Variants in LRP5 observed in about 807,000 individuals in gnomAD.
LRP5 encodes low-density lipoprotein receptor-related protein 5.
A neutral mutation model predicts 154.1 loss-of-function variants in LRP5; 62 were observed. The observed-to-expected ratio is 0.40, with a 90% CI of 0.33 to 0.50. LRP5 has a LOEUF of 0.50. Ranked by LOEUF, LRP5 falls within the 20% of genes least tolerant of loss-of-function variation. LRP5 has a pLI of 0.55. For missense variants in LRP5, 1,915 were observed against 2,336.7 expected (o/e 0.82, Z 3.72); for synonymous variants, 966 against 1,011.5 (o/e 0.96, Z 0.85).
rs139756869 is a variant in LRP5, at chr11:68,419,373, C to T, written c.3027+2846C>T. On this transcript the variant is annotated intron_variant, in intron 13 of 22. Transcript: ENST00000294304. ...TCAGCCTCTCTAGTAGCCGGGACTA[C>T]AGGCATACACTACCACATCTGGCTG... 7.0e-3 allele frequency among the ~76,000 whole-genome samples: 1,048 copies of T among 150,590 alleles called. 7 individuals are homozygous for T. The highest frequency in any genetic ancestry group is 0.028 in the Middle Eastern group (8 of 290).
At chr11:68,393,653 C>T (rs942760533) in intron 7 of LRP5, among the ~76,000 whole-genome samples, 7 of 151,960 alleles carry the variant, frequency 4.6e-5, no homozygotes, top group Non-Finnish European at 7.4e-5. Context: ...TGGCAGCGGG[C>T]GCCTGTAATC....
At chr11:68,363,467 G>A (rs1267998041) in intron 3 of LRP5, among the ~76,000 whole-genome samples, 1 of 152,124 alleles carries the variant, frequency 6.6e-6, no homozygotes, top group Non-Finnish European at 1.5e-5. Flanking sequence ...GACCAGCCTT[G>A]CCAACATGAT....
At chr11:68,323,862 C>T (rs1433692791) in intron 1 of LRP5, among the ~76,000 whole-genome samples, 2 of 152,240 alleles carry the variant, frequency 1.3e-5, no homozygotes, top group Non-Finnish European at 2.9e-5. Context: ...CTGGTCGCTG[C>T]TCAGGGGGCC....
rs999634205 is a variant in LRP5 at position 68,413,810 on chromosome 11, C to T, written c.2625C>T (p.Ser875=). 17 of 1,613,498 alleles carry T rather than the reference C, an allele frequency of 1.1e-5. No homozygotes were observed. The highest frequency in any genetic ancestry group is 5.0e-5 in the Admixed American group (3 of 60,006). The change falls in exon 12 of 23, where the codon AGC becomes AGT. Residue 875 remains serine (S), a synonymous_variant. Coordinates refer to ENST00000294304, the MANE Select transcript of LRP5 (RefSeq NM_002335.4). The surrounding 1 kb of genome is among the most constrained non-coding windows in gnomAD (Gnocchi z 5.1). ...LHSIERADKT[S]GRNRTLIQGH... is the part of the protein sequence containing the mutation. Reference sequence around the variant, plus strand: ...GCATTGAGCGGGCCGACAAGACTAGCGGCCGGAACCGCACCCTCATCCAGG... The same window carrying T: ...GCATTGAGCGGGCCGACAAGACTAGTGGCCGGAACCGCACCCTCATCCAGG...
chr11:68,376,892 G>A (rs1241557374), intron 5 of LRP5, among the ~76,000 whole-genome samples: 1 of 152,186 alleles, frequency 6.6e-6, no homozygotes, highest in South Asian at 2.1e-4. Context: ...AAGATGAGAG[G>A]GCTGCCCAGG....
At chr11:68,395,771 C>T (rs541253798) in intron 7 of LRP5, among the ~76,000 whole-genome samples, 3 of 152,282 alleles carry the variant, frequency 2.0e-5, no homozygotes, top group South Asian at 4.2e-4. Flanking sequence ...GCACCTCCTG[C>T]CCCGGGACAC....
intron 1 of LRP5, among the ~76,000 whole-genome samples, chr11:68,340,121 T>A (rs1033492659): frequency 9.9e-5 from 15 of 152,094 alleles, no homozygotes; most frequent in African/African-American, 3.6e-4. Context: ...GTGCCTGTAA[T>A]CCCAGCTACT....
chr11:68,373,937 G>A (rs1418347285), intron 5 of LRP5, among the ~76,000 whole-genome samples: 12 of 152,112 alleles, frequency 7.9e-5, no homozygotes, highest in East Asian at 1.9e-4. Flanking sequence ...CATGCCACTC[G>A]GGCCACACGT....
At chr11:68,344,349 C>T (rs1206740356) in intron 1 of LRP5, among the ~76,000 whole-genome samples, 1 of 152,062 alleles carries the variant, frequency 6.6e-6, no homozygotes, top group East Asian at 1.9e-4. Flanking sequence ...GATGGAGTCT[C>T]GCTCTGTCAC....
At chr11:68,384,180 C>CAGG (rs2153151516) in intron 5 of LRP5, among the ~76,000 whole-genome samples, 1 of 152,316 alleles carries the variant, frequency 6.6e-6, no homozygotes, top group South Asian at 2.1e-4. Context: ...GGAGGGGCTC[C>CAGG]TGTCTTTCCT....
At position 68,390,060 on chromosome 11, in the gene LRP5, T is replaced by A. The variant is rs1288008322; in HGVS notation, c.1584+8T>A. On this transcript the variant is annotated splice_region_variant and intron_variant, in intron 7 of 22. Transcript: ENST00000294304. Reference sequence around the variant, plus strand: ...AAGACAGACAAGATCGAGGTGAGGCTCCTGTGGACATGTTTGATCCAGGAG... The same window carrying A: ...AAGACAGACAAGATCGAGGTGAGGCACCTGTGGACATGTTTGATCCAGGAG... 1 of 1,614,144 alleles carries A rather than the reference T, an allele frequency of 6.2e-7. No individual in the cohort carries two copies. The highest frequency in any genetic ancestry group is 8.5e-7 in the Non-Finnish European group (1 of 1,180,000).
intron 5 of LRP5, among the ~76,000 whole-genome samples, chr11:68,379,448 G>T (rs528901616): frequency 1.3e-5 from 2 of 152,112 alleles, no homozygotes; most frequent in South Asian, 4.1e-4. Flanking sequence ...GGAAGCCTGC[G>T]GTGCTTTACG....
chr11:68,373,496 C>T (rs2098635556), intron 5 of LRP5, among the ~76,000 whole-genome samples: 1 of 152,196 alleles, frequency 6.6e-6, no homozygotes, highest in Admixed American at 6.5e-5. Flanking sequence ...TCCCCCGCCC[C>T]TCCTGAAGTG....
At chr11:68,300,655 TC>T in the LRP5 span, among the ~76,000 whole-genome samples, 1 of 149,198 alleles carries the variant, frequency 6.7e-6, no homozygotes, top group Non-Finnish European at 1.5e-5. Flanking sequence ...TACGGATGCC[TC>T]CCTCAGACCC....
At chr11:68,405,685 C>G (rs72934422) in intron 8 of LRP5, among the ~76,000 whole-genome samples, 6,088 of 152,218 alleles carry the variant, frequency 0.04, 176 homozygotes, top group Non-Finnish European at 0.065. Flanking sequence ...CTTTTTTTGG[C>G]TGAAATATTT....
chr11:68,392,885 G>A (rs2098647138), intron 7 of LRP5, among the ~76,000 whole-genome samples: 1 of 152,086 alleles, frequency 6.6e-6, no homozygotes, highest in Admixed American at 6.5e-5. Flanking sequence ...CTAACATTCT[G>A]GGAGGCCAAG....
chr11:68,420,713 A>T (rs1239790684), intron 13 of LRP5, among the ~76,000 whole-genome samples: 1 of 151,970 alleles, frequency 6.6e-6, no homozygotes, highest in Non-Finnish European at 1.5e-5. Context: ...CTCAAAAAAA[A>T]AAAAAATCAT....
At position 68,363,953 on chromosome 11, in the gene LRP5, G is replaced by A. The variant is rs763345367; in HGVS notation, c.883+10G>A. ...GAGCGGCAGCCTTTCTGTGAGTGCC[G>A]GCTGGGGCGCGGGGGCGAGGGTGCG... On this transcript the variant is annotated intron_variant, in intron 4 of 22. Transcript: ENST00000294304. 9 of 1,603,490 alleles carry A rather than the reference G, an allele frequency of 5.6e-6. No homozygotes were observed. Among genetic ancestry groups the A allele is most frequent in the Middle Eastern group, 1.8e-4 (1 of 5,558 alleles).
rs2098675479 is a variant in LRP5 at position 68,437,140 on chromosome 11, AG to A, written c.4111+143del. The A allele has an allele frequency of 5.7e-6, 4 of 698,882 alleles. No individual in the cohort carries two copies. The South Asian group carries it at 6.5e-5, about 11-fold the overall frequency. 43.3% of individuals were successfully genotyped at this position (698,882 alleles called of 1,614,324 possible). ...AGGCGGCTGGGAGGCTCCTTGCGGG[AG>A]GCAGGGAAGCCTTTCCCAGGGCAGC... On this transcript the variant is annotated intron_variant, in intron 19 of 22. Transcript: ENST00000294304.
Sources: allele counts gnomAD v4.1 joint callset (sites outside exome capture counted in the v4.1 genomes callset), GRCh38; gene constraint gnomAD v4.1.1; non-coding constraint Gnocchi (gnomAD v3.1); transcripts MANE v1.5; gene names NCBI Gene and HGNC (gene_info 2026-07-23, HGNC 2026-07-21).